The following PCNX1 variants were observed in gnomAD, a reference collection of about 807,000 sequenced individuals.
PCNX1 encodes pecanex-like protein 1.
In PCNX1, 78 loss-of-function variants were observed where a neutral mutation model predicts 242.2. The observed-to-expected ratio is 0.32, with a 90% CI of 0.27 to 0.39. PCNX1 has a LOEUF of 0.39. Among genes scored for constraint, PCNX1 ranks in the 10% least tolerant of loss-of-function variants. The pLI is 1.00. For missense variants in PCNX1, 2,581 were observed against 2,856.5 expected, an observed-to-expected ratio of 0.90 and a Z score of 2.20; for synonymous variants, 1,024 against 1,032.9, an observed-to-expected ratio of 0.99 and a Z score of 0.17.
chr14:71,000,772 C>T (rs546744438), intron 8 of PCNX1, among the ~76,000 whole-genome samples: 1 of 152,086 alleles, frequency 6.6e-6, no homozygotes, highest in Non-Finnish European at 1.5e-5. Flanking sequence ...GTGATCCACC[C>T]ACCTCGGCCT....
intron 6 of PCNX1, among the ~76,000 whole-genome samples, 177 bp from the exon 7 acceptor site, chr14:70,988,390 A>T (rs1359107303): frequency 6.6e-6 from 1 of 152,236 alleles, no homozygotes; most frequent in Non-Finnish European, 1.5e-5. Context: ...TAAATAAATG[A>T]CAGATACTTT....
chr14:71,104,966 A>C (rs1181982770), intron 32 of PCNX1, among the ~76,000 whole-genome samples: 3 of 152,208 alleles, frequency 2.0e-5, no homozygotes, highest in Non-Finnish European at 1.5e-5. Context: ...TTAATGGTAC[A>C]ACTGAGTTAT....
intron 14 of PCNX1, 40 bp from the exon 15 acceptor site, chr14:71,026,732 A>T (rs757783470): frequency 2.3e-6 from 2 of 885,552 alleles, no homozygotes; most frequent in African/African-American, 3.4e-5. Context: ...GAATGGATAC[A>T]GTATAATATT....
chr14:71,049,425 T>C (rs2060958080), intron 22 of PCNX1, among the ~76,000 whole-genome samples: 1 of 152,204 alleles, frequency 6.6e-6, no homozygotes, highest in South Asian at 2.1e-4. Flanking sequence ...AGGTACATCA[T>C]GGATTTAATA....
chr14:71,003,176 T>C (rs1172881151), intron 8 of PCNX1, among the ~76,000 whole-genome samples: 1 of 148,704 alleles, frequency 6.7e-6, no homozygotes, highest in African/African-American at 2.5e-5. Flanking sequence ...CTCTGCCTCC[T>C]GGGTTCAAGC....
chr14:70,993,712 G>T (rs1404315363), intron 7 of PCNX1, among the ~76,000 whole-genome samples: 1 of 152,146 alleles, frequency 6.6e-6, no homozygotes, highest in Non-Finnish European at 1.5e-5. Context: ...AGAAAAATTT[G>T]TTGAGTACGT....
At chr14:70,943,433 A>G (rs1427367490) in intron 1 of PCNX1, among the ~76,000 whole-genome samples, 3 of 152,238 alleles carry the variant, frequency 2.0e-5, no homozygotes, top group Non-Finnish European at 4.4e-5. Flanking sequence ...ATGCTTTATT[A>G]GCAAAGAGAC....
Position 71,109,044 on chromosome 14 carries a change from CAAGT to C in PCNX1, c.6744+6_6744+9del, listed in dbSNP as rs766342015. ...AAAGGCAGAAGTGATTTACAGAGTC[CAAGT>C]AAGTAAGCCCAGAGGTGGTCTTGTG... On this transcript the variant is annotated splice_donor_variant and coding_sequence_variant, in exon 34 of 36. Coordinates refer to ENST00000304743, the MANE Select transcript of PCNX1 (RefSeq NM_014982.3). LOFTEE classifies it high-confidence loss of function. The C allele has an allele frequency of 8.2e-5, 131 of 1,605,890 alleles. No homozygotes were observed. Among genetic ancestry groups the C allele is most frequent in the Non-Finnish European group, 1.0e-4 (121 of 1,175,112 alleles).
chr14:71,106,961 CT>C (rs1161768154), intron 33 of PCNX1, among the ~76,000 whole-genome samples: 1 of 152,146 alleles, frequency 6.6e-6, no homozygotes, highest in Non-Finnish European at 1.5e-5. Flanking sequence ...GTGAGAACAA[CT>C]TACTATTCAT....
chr14:70,960,172 T>G (rs1404997181), intron 2 of PCNX1, among the ~76,000 whole-genome samples: 1 of 128,230 alleles, frequency 7.8e-6, no homozygotes, highest in Non-Finnish European at 1.7e-5. Flanking sequence ...TTCTCCCATT[T>G]TGTAGGTTGC....
At chr14:70,962,992 C>G (rs1215522555) in intron 3 of PCNX1, among the ~76,000 whole-genome samples, 1 of 152,120 alleles carries the variant, frequency 6.6e-6, no homozygotes, top group East Asian at 1.9e-4. Context: ...CTTAGCAGAC[C>G]TTTACATAAC....
At chr14:71,085,846 G>A (rs2061975151) in intron 28 of PCNX1, 2 of 332,412 alleles carry the variant, frequency 6.0e-6, no homozygotes, top group Non-Finnish European at 1.2e-5. Flanking sequence ...TATCAATAAG[G>A]ATCAGAGTAG....
At chr14:71,099,549 ATAG>A (rs966169634) in intron 30 of PCNX1, among the ~76,000 whole-genome samples, 1 of 152,140 alleles carries the variant, frequency 6.6e-6, no homozygotes, top group African/African-American at 2.4e-5. Context: ...AAAATAATGT[ATAG>A]TCTGTGGTTG....
At chr14:71,081,833 G>C (rs2061862060) in intron 28 of PCNX1, among the ~76,000 whole-genome samples, 1 of 151,912 alleles carries the variant, frequency 6.6e-6, no homozygotes. Context: ...TTTTTTGAAG[G>C]GTTTTGTTGT....
chr14:70,942,362 G>C (rs2057287736), intron 1 of PCNX1, among the ~76,000 whole-genome samples: 1 of 152,130 alleles, frequency 6.6e-6, no homozygotes, highest in Non-Finnish European at 1.5e-5. Context: ...TGTAAATTTA[G>C]TATTCATTTT....
intron 24 of PCNX1, among the ~76,000 whole-genome samples, chr14:71,055,127 T>C (rs1423970098): frequency 6.6e-6 from 1 of 152,248 alleles, no homozygotes; most frequent in Non-Finnish European, 1.5e-5. Flanking sequence ...ATTGCATCAC[T>C]GAGCATTAAT....
intron 2 of PCNX1, among the ~76,000 whole-genome samples, chr14:70,962,001 G>T (rs539320770): frequency 3.9e-5 from 6 of 152,272 alleles, no homozygotes; most frequent in African/African-American, 1.4e-4. Flanking sequence ...TTTGGAATAA[G>T]AGAGTTATAC....
chr14:71,097,341 T>G (rs919392772), intron 30 of PCNX1, among the ~76,000 whole-genome samples: 2 of 152,250 alleles, frequency 1.3e-5, no homozygotes, highest in African/African-American at 4.8e-5. Flanking sequence ...GTAATGGGAT[T>G]GGTAGGTCAA....
In PCNX1 at chr14:71,073,490, AT is replaced by A. The variant is rs1304707673; in HGVS notation, c.4853-50del. 1.2e-5 allele frequency: 18 copies of A among 1,527,222 alleles called. No individual in the cohort carries two copies. In the East Asian group the frequency reaches 3.4e-4, roughly 29 times the overall value. 94.6% of individuals were successfully genotyped at this position (1,527,222 alleles called of 1,614,324 possible). A position where few individuals can be genotyped will look rare whatever the true frequency, so the allele number is the denominator to read the frequency against. ...CTAAATCTTATGTGTCCTTGCATTCATTTTTCCCACTTTCTGGTTTTCCCCC... is the reference window on the plus strand; with the variant it reads ...CTAAATCTTATGTGTCCTTGCATTCATTTTCCCACTTTCTGGTTTTCCCCC... On this transcript the variant is annotated intron_variant, in intron 26 of 35. Coordinates refer to ENST00000304743, the MANE Select transcript of PCNX1 (RefSeq NM_014982.3).
Sources: gnomAD v4.1 joint callset for allele counts (sites outside exome capture counted in the v4.1 genomes callset) on GRCh38, gnomAD v4.1.1 for gene constraint, MANE v1.5 for transcripts, NCBI Gene and HGNC (gene_info 2026-07-23, HGNC 2026-07-21) for gene names.